Variants in HCRTR2 observed in about 807,000 individuals in gnomAD.
HCRTR2 encodes hypocretin receptor 2.
HCRTR2 carries 22 observed loss-of-function variants against 49.0 expected under a neutral mutation model. That is an observed-to-expected ratio of 0.45 (90% CI 0.32 to 0.64). The LOEUF (loss-of-function observed/expected upper bound fraction) is 0.64, where lower values mean the gene tolerates loss of function less well. Among genes scored for constraint, HCRTR2 ranks in the 30% least tolerant of loss-of-function variants. HCRTR2 has a pLI of 0.04. For synonymous variants in HCRTR2, 236 were observed against 205.3 expected (o/e 1.15, Z -1.28); for missense variants, 491 against 559.4 (o/e 0.88, Z 1.23).
intron 1 of HCRTR2, among the ~76,000 whole-genome samples, chr6:55,145,393 GTTTTTTTTTTTGTTTTTTTGTTTGT>G (rs1372203222): frequency 7.3e-6 from 1 of 136,144 alleles, no homozygotes; most frequent in Admixed American, 7.0e-5. Context: ...AACATTCTTT[GTTTTTTTTTTTGTTTTTTTGTTTGT>G]TTTTTTTTTT....
At chr6:55,274,433 A>AATTGATTTTTTTGTTT (rs1283605581) in intron 4 of HCRTR2, among the ~76,000 whole-genome samples, 1 of 151,036 alleles carries the variant, frequency 6.6e-6, no homozygotes, top group Non-Finnish European at 1.5e-5. Context: ...GTAGAAGTAT[A>AATTGATTTTTTTGTTT]ATTGATTTTT....
chr6:55,208,454 T>C (rs572672400), intron 1 of HCRTR2, among the ~76,000 whole-genome samples: 18 of 151,700 alleles, frequency 1.2e-4, no homozygotes, highest in Admixed American at 1.1e-3. Context: ...ATTACACCAT[T>C]GCACTCCAGT....
chr6:55,175,952 C>T (rs1765032351), intron 1 of HCRTR2, among the ~76,000 whole-genome samples: 1 of 152,050 alleles, frequency 6.6e-6, no homozygotes, highest in Non-Finnish European at 1.5e-5. Flanking sequence ...CTAGGAGTTG[C>T]TCTTGATTTT....
intron 1 of HCRTR2, among the ~76,000 whole-genome samples, chr6:55,182,247 C>A (rs780467680): frequency 9.2e-5 from 14 of 152,228 alleles, no homozygotes; most frequent in Non-Finnish European, 1.5e-4. Flanking sequence ...CCCGGCCCCA[C>A]TTCCTGATAG....
At chr6:55,205,840 G>A (rs13343017) in intron 1 of HCRTR2, among the ~76,000 whole-genome samples, 34,112 of 151,714 alleles carry the variant, frequency 0.22, 3,958 homozygotes, top group Admixed American at 0.31. Context: ...CTGGTATAAC[G>A]CAACTCTATT....
chr6:55,120,617 T>C lies in HCRTR2; in HGVS notation c.-378+14072T>C, dbSNP rs982009568. Among the ~76,000 whole-genome samples, 8 of 150,612 alleles carry C rather than the reference T, an allele frequency of 5.3e-5. 1 individual carries two copies. The highest frequency in any genetic ancestry group is 1.0e-4 in the African/African-American group (4 of 40,018). On this transcript the variant is annotated intron_variant, in intron 1 of 7. Coordinates refer to the HCRTR2 transcript ENST00000615358. ...ACATTGATTTTGTATCCTGAGACTT[T>C]CCTGAAGTTGCTTATCAGCTTACGG...
chr6:55,151,389 G>A (rs1764662858), intron 1 of HCRTR2, among the ~76,000 whole-genome samples: 1 of 151,972 alleles, frequency 6.6e-6, no homozygotes, highest in African/African-American at 2.4e-5. Flanking sequence ...TTTCAACGGT[G>A]TTCACAGCAT....
intron 1 of HCRTR2, among the ~76,000 whole-genome samples, chr6:55,224,376 G>A (rs1765955916): frequency 6.6e-6 from 1 of 152,094 alleles, no homozygotes; most frequent in Non-Finnish European, 1.5e-5. Flanking sequence ...GCAGCACTTT[G>A]GGAGGCCGAG....
At chr6:55,263,602 A>T (rs1766808198) in intron 3 of HCRTR2, 105 bp from the exon 4 acceptor site, 1 of 701,476 alleles carries the variant, frequency 1.4e-6, no homozygotes, top group East Asian at 2.7e-5. Flanking sequence ...CAATGAAATC[A>T]TATAAAAGGT....
At chr6:55,215,803 C>A (rs1225159475) in intron 1 of HCRTR2, among the ~76,000 whole-genome samples, 10 of 152,012 alleles carry the variant, frequency 6.6e-5, no homozygotes, top group Non-Finnish European at 1.5e-5. Context: ...AAGAAAATAC[C>A]TACAGGTAAT....
chr6:55,143,288 A>G (rs938666423), intron 1 of HCRTR2, among the ~76,000 whole-genome samples: 5 of 152,016 alleles, frequency 3.3e-5, no homozygotes, highest in African/African-American at 9.7e-5. Context: ...ATCCTTATCT[A>G]CAATGTCTTC....
intron 1 of HCRTR2, among the ~76,000 whole-genome samples, chr6:55,157,163 T>C (rs1026715593): frequency 2.0e-5 from 3 of 152,138 alleles, no homozygotes; most frequent in African/African-American, 7.2e-5. Context: ...AGTTAATAAA[T>C]GGGTTCTACA....
chr6:55,223,591 G>A (rs1004740486), intron 1 of HCRTR2, among the ~76,000 whole-genome samples: 2 of 152,018 alleles, frequency 1.3e-5, no homozygotes, highest in African/African-American at 4.8e-5. Context: ...AATTACTTTT[G>A]TCACTTATGT....
intron 1 of HCRTR2, among the ~76,000 whole-genome samples, chr6:55,242,412 T>C (rs1211838736): frequency 1.3e-5 from 2 of 152,154 alleles, no homozygotes; most frequent in Non-Finnish European, 2.9e-5. Context: ...TTTCTATCTG[T>C]CTGATATGAT....
chr6:55,256,099 T>C (rs1023067882), intron 3 of HCRTR2, among the ~76,000 whole-genome samples: 2 of 152,086 alleles, frequency 1.3e-5, no homozygotes, highest in African/African-American at 4.8e-5. Flanking sequence ...AATACTGCTA[T>C]CAACACCTGG....
chr6:55,107,633 G>T (rs913301158), intron 1 of HCRTR2, among the ~76,000 whole-genome samples: 4 of 151,820 alleles, frequency 2.6e-5, no homozygotes, highest in Non-Finnish European at 5.9e-5. Context: ...TATTAGTATT[G>T]TTGCAAAAAT....
At chr6:55,192,147 A>C (rs1030219794) in intron 1 of HCRTR2, among the ~76,000 whole-genome samples, 2 of 152,198 alleles carry the variant, frequency 1.3e-5, no homozygotes, top group Non-Finnish European at 2.9e-5. Flanking sequence ...TATCAGAGGC[A>C]TCAGTAACAG....
intron 1 of HCRTR2, among the ~76,000 whole-genome samples, chr6:55,163,847 A>G (rs1764840113): frequency 6.6e-6 from 1 of 152,202 alleles, no homozygotes; most frequent in African/African-American, 2.4e-5. Context: ...GGCAACCTAT[A>G]AAATGGGAGA....
At chr6:55,172,283 T>G (rs1464711305), upstream of HCRTR2, among the ~76,000 whole-genome samples, 1 of 152,216 alleles carries the variant, frequency 6.6e-6, no homozygotes, top group Non-Finnish European at 1.5e-5. Context: ...ATTTCTAATG[T>G]GACCTTTGGG....
Sources: allele counts gnomAD v4.1 joint callset (sites outside exome capture counted in the v4.1 genomes callset), GRCh38; gene constraint gnomAD v4.1.1; transcripts MANE v1.5; gene names NCBI Gene and HGNC (gene_info 2026-07-23, HGNC 2026-07-21).